The following VWA5A variants were observed in gnomAD, a reference collection of about 807,000 sequenced individuals.
VWA5A encodes von Willebrand factor A domain-containing protein 5A.
In VWA5A, 77 loss-of-function variants were observed where a neutral mutation model predicts 84.6. That is an observed-to-expected ratio of 0.91 (90% confidence interval 0.76 to 1.10). The LOEUF (loss-of-function observed/expected upper bound fraction) is 1.10, where lower values mean the gene tolerates loss of function less well. VWA5A is among the 50% of genes least tolerant of loss of function. VWA5A has a pLI of 0.00. For synonymous variants in VWA5A, 334 were observed against 350.1 expected (o/e 0.95, Z 0.51); for missense variants, 973 against 963.0 (o/e 1.01, Z -0.14).
chr11:124,145,747 G>GA, intron 18 of VWA5A, 119 bp from the exon 19 acceptor site: 1 of 1,061,708 alleles, frequency 9.4e-7, no homozygotes, highest in South Asian at 1.7e-5. Flanking sequence ...AGCAAGAAAA[G>GA]AAAAAGCAGG....
intron 14 of VWA5A, 26 bp downstream of exon 14, chr11:124,136,700 C>T: frequency 1.7e-6 from 1 of 604,498 alleles, no homozygotes; most frequent in East Asian, 3.3e-5. Context: ...TCCCTTCCTT[C>T]CTTCCTTCCT....
chr11:124,122,825 A>G (rs1864950999), intron 7 of VWA5A, 135 bp from the exon 8 acceptor site: 9 of 833,236 alleles, frequency 1.1e-5, no homozygotes, highest in Admixed American at 8.1e-5. Flanking sequence ...GCAAGCAGTT[A>G]TGGTACATGA....
intron 5 of VWA5A, 61 bp downstream of exon 5, chr11:124,118,472 A>C: frequency 6.2e-7 from 1 of 1,610,542 alleles, no homozygotes. Context: ...AATTTTCTTA[A>C]GGTTGAGAGT....
intron 7 of VWA5A, among the ~76,000 whole-genome samples, chr11:124,122,062 A>T (rs1313246330): frequency 6.6e-6 from 1 of 152,230 alleles, no homozygotes; most frequent in Non-Finnish European, 1.5e-5. Flanking sequence ...ATGGAGAAGA[A>T]ATTAAACTGA....
At chr11:124,123,946 A>C (rs1269377623) in intron 10 of VWA5A, 142 bp downstream of exon 10, 1 of 1,231,060 alleles carries the variant, frequency 8.1e-7, no homozygotes, top group Non-Finnish European at 1.1e-6. Context: ...AAAAAAAAAG[A>C]TGATGCATTT....
intron 17 of VWA5A, among the ~76,000 whole-genome samples, chr11:124,144,626 A>G (rs1348424419): frequency 2.6e-5 from 4 of 152,184 alleles, no homozygotes; most frequent in Non-Finnish European, 5.9e-5. Flanking sequence ...ATTTCCCTTG[A>G]TCTCCTGACT....
Position 124,145,392 on chromosome 11 carries a change from C to T in VWA5A, c.2281+29C>T, listed in dbSNP as rs745770142. ...GGAGCACAATCCTAAGGCCTGTCTCCTTCCCCTTCCCTGGCCTGGCGGAAG... is the reference window on the plus strand; with the variant it reads ...GGAGCACAATCCTAAGGCCTGTCTCTTTCCCCTTCCCTGGCCTGGCGGAAG... On this transcript the variant is annotated intron_variant, in intron 18 of 18. Transcript: ENST00000456829. The T allele has an allele frequency of 9.5e-6, 15 of 1,580,908 alleles. No individual in the cohort carries two copies. The East Asian group carries it at 1.4e-4, about 14-fold the overall frequency.
At position 124,123,449 on chromosome 11, in the gene VWA5A, C is replaced by G. The variant is rs1290865891; in HGVS notation, c.1014C>G (p.Cys338Trp). Residue 338 changes from cysteine to tryptophan, a missense_variant, in exon 9 of 19, where the codon TGC (cysteine) becomes TGG (tryptophan). Physicochemically the swap from Cys to Trp is radical, Grantham distance 215. Coordinates refer to ENST00000456829, the MANE Select transcript of VWA5A (RefSeq NM_001130142.2). ...IYGFGSSYEA[C>W]FPESVKYTQQ... ...GATTTGGCTCTTCCTATGAGGCATGCTTTCCGTAAGTTTCTGGAAAGACAA... is the reference window on the plus strand; with the variant it reads ...GATTTGGCTCTTCCTATGAGGCATGGTTTCCGTAAGTTTCTGGAAAGACAA... 1.2e-6 allele frequency: 2 copies of G among 1,613,928 alleles called. No individual in the cohort carries two copies. The highest frequency in any genetic ancestry group is 1.7e-6 in the Non-Finnish European group (2 of 1,179,950).
intron 11 of VWA5A, among the ~76,000 whole-genome samples, chr11:124,130,809 A>G (rs1051164013): frequency 6.6e-6 from 1 of 152,184 alleles, no homozygotes. Flanking sequence ...AGTGAAAGCA[A>G]TAAATAAAAA....
At chr11:124,142,952 T>C (rs1191369189) in intron 17 of VWA5A, among the ~76,000 whole-genome samples, 1 of 152,194 alleles carries the variant, frequency 6.6e-6, no homozygotes, top group Admixed American at 6.5e-5. Flanking sequence ...CACACATTAA[T>C]TTAATAAGGT....
chr11:124,137,393 C>G, intron 15 of VWA5A, 125 bp downstream of exon 15: 1 of 1,283,722 alleles, frequency 7.8e-7, no homozygotes, highest in Non-Finnish European at 1.0e-6. Context: ...ACCTCCACAT[C>G]TAGGATTTCT....
intron 3 of VWA5A, 38 bp from the exon 4 acceptor site, chr11:124,117,635 T>G: frequency 6.2e-7 from 1 of 1,614,170 alleles, no homozygotes; most frequent in African/African-American, 1.3e-5. Flanking sequence ...AGGCAATCTA[T>G]TGAAGCTTGA....
chr11:124,116,489 G>T (rs1472037418), intron 1 of VWA5A, 77 bp from the exon 2 acceptor site: 1 of 152,162 alleles, frequency 6.6e-6, no homozygotes, highest in African/African-American at 2.4e-5. Flanking sequence ...TTCTCTTTCA[G>T]CTGTTTTACT....
chr11:124,142,222 C>A (rs1171104018), intron 16 of VWA5A, among the ~76,000 whole-genome samples: 1 of 152,224 alleles, frequency 6.6e-6, no homozygotes, highest in Non-Finnish European at 1.5e-5. Flanking sequence ...CCTCGCCCCC[C>A]AGCAGAGCCC....
intron 15 of VWA5A, among the ~76,000 whole-genome samples, chr11:124,139,349 G>C (rs1006551396): frequency 6.6e-6 from 1 of 151,328 alleles, no homozygotes; most frequent in Non-Finnish European, 1.5e-5. Context: ...TATTTTCATA[G>C]GTATTGCATT....
At chr11:124,127,108 T>C (rs1865029375) in intron 11 of VWA5A, among the ~76,000 whole-genome samples, 1 of 152,174 alleles carries the variant, frequency 6.6e-6, no homozygotes, top group Non-Finnish European at 1.5e-5. Context: ...CCATGGTGGT[T>C]TGCTGCACCC....
Position 124,147,465 on chromosome 11 carries a change from T to A in VWA5A, c.*1520T>A, listed in dbSNP as rs1039652831. The A allele has an allele frequency of 6.6e-6, 1 of 152,188 alleles. No homozygotes were observed. Among genetic ancestry groups the A allele is most frequent in the African/African-American group, 2.4e-5 (1 of 41,454 alleles). The allele number at this position is 152,188 out of a possible 1,614,324, so 9.4% of individuals were successfully genotyped here. ...CCTGAGTTTCTTTAAGTTGTTGAGT[T>A]ACCTGGTATTAGGAAGACTTGTGTG... On this transcript the variant is annotated 3_prime_UTR_variant, in exon 19 of 19. Transcript: ENST00000456829.
Position 124,144,989 on chromosome 11 carries a change from T to C in VWA5A, c.2155-248T>C, listed in dbSNP as rs1239695416. ...TAGAGCTGGCCTTGTCTTAGGGGTT[T>C]CCAGAACCGTCCTGGTGGTTACACT... On this transcript the variant is annotated intron_variant, in intron 17 of 18. Transcript: ENST00000456829. Among the ~76,000 whole-genome samples the C allele has an allele frequency of 6.6e-5, 10 of 152,304 alleles. No homozygotes were observed. The East Asian group carries it at 1.9e-3, about 29-fold the overall frequency.
intron 9 of VWA5A, 60 bp from the exon 10 acceptor site, chr11:124,123,600 A>G: frequency 6.2e-7 from 1 of 1,613,402 alleles, no homozygotes; most frequent in South Asian, 1.1e-5. Context: ...CAATTCAGGG[A>G]CTCTATACTG....
Sources: gnomAD v4.1 joint callset for allele counts (sites outside exome capture counted in the v4.1 genomes callset) on GRCh38, gnomAD v4.1.1 for gene constraint, MANE v1.5 for transcripts, NCBI Gene and HGNC (gene_info 2026-07-23, HGNC 2026-07-21) for gene names.